ZDHHC17: variants seen among roughly 807,000 people sequenced by gnomAD.
ZDHHC17 encodes zDHHC palmitoyltransferase 17, also known as palmitoyltransferase ZDHHC17.
In ZDHHC17, 40 loss-of-function variants were observed where a neutral mutation model predicts 90.3. The observed-to-expected ratio is 0.44, with a 90% confidence interval of 0.34 to 0.58. The LOEUF is 0.58. Ranked by LOEUF, ZDHHC17 falls within the 20% of genes least tolerant of loss-of-function variation. ZDHHC17 has a pLI of 0.01. For missense variants in ZDHHC17, 614 were observed against 780.8 expected (o/e 0.79, Z 2.55); for synonymous variants, 235 against 252.4 (o/e 0.93, Z 0.65).
intron 10 of ZDHHC17, among the ~76,000 whole-genome samples, chr12:76,830,869 AT>A (rs34229309): frequency 0.42 from 63,265 of 151,840 alleles, 13,568 homozygotes; most frequent in East Asian, 0.65. Flanking sequence ...GTAAAATTTC[AT>A]TTTTTTCCTT....
chr12:76,765,854 C>T (rs1316692549), intron 1 of ZDHHC17, among the ~76,000 whole-genome samples: 1 of 152,124 alleles, frequency 6.6e-6, no homozygotes, highest in Admixed American at 6.5e-5. Context: ...GCTCGCGCCA[C>T]CATACCCGGC....
Position 76,851,296 on chromosome 12 carries a change from T to C in ZDHHC17, c.*311T>C, listed in dbSNP as rs1953564901. On this transcript the variant is annotated 3_prime_UTR_variant, in exon 17 of 17. Coordinates refer to ENST00000426126, the MANE Select transcript of ZDHHC17 (RefSeq NM_015336.4). Reference sequence around the variant, plus strand: ...TTTTCACAAAAAAAGGGTAAACTTATTCTATTGACAGACATGGTGTACTGA... The same window carrying C: ...TTTTCACAAAAAAAGGGTAAACTTACTCTATTGACAGACATGGTGTACTGA... 6 of 322,850 alleles carry C rather than the reference T, an allele frequency of 1.9e-5. No individual in the cohort carries two copies. The highest frequency in any genetic ancestry group is 3.1e-5 in the South Asian group (1 of 32,514). 20.0% of individuals were successfully genotyped at this position (322,850 alleles called of 1,614,324 possible).
intron 10 of ZDHHC17, among the ~76,000 whole-genome samples, chr12:76,833,524 G>A (rs538699887): frequency 2.6e-5 from 4 of 152,330 alleles, no homozygotes; most frequent in African/African-American, 9.6e-5. Flanking sequence ...CGGGCATGGT[G>A]GCTCACGCCT....
At chr12:76,838,882 A>G (rs542484846) in intron 10 of ZDHHC17, among the ~76,000 whole-genome samples, 1 of 152,308 alleles carries the variant, frequency 6.6e-6, no homozygotes, top group Non-Finnish European at 1.5e-5. Flanking sequence ...TCAAGCTGCC[A>G]TAATGATATA....
intron 2 of ZDHHC17, among the ~76,000 whole-genome samples, chr12:76,802,587 A>G (rs1378866320): frequency 2.0e-5 from 3 of 152,216 alleles, no homozygotes; most frequent in Non-Finnish European, 4.4e-5. Flanking sequence ...GGTGTCCCAC[A>G]GGTCCCTTAG....
At chr12:76,772,479 A>G (rs1952504196) in intron 1 of ZDHHC17, among the ~76,000 whole-genome samples, 1 of 151,720 alleles carries the variant, frequency 6.6e-6, no homozygotes, top group African/African-American at 2.4e-5. Flanking sequence ...CCCAAAGGCC[A>G]TAGTTTACAT....
Position 76,805,380 on chromosome 12 carries a change from C to A in ZDHHC17, c.261C>A (p.Asp87Glu). 6.2e-7 allele frequency: 1 copy of A among 1,602,536 alleles called. No homozygotes were observed. The highest frequency in any genetic ancestry group is 1.7e-5 in the Admixed American group (1 of 59,054). Residue 87 changes from aspartate to glutamate, a missense_variant, in exon 3 of 17, where the codon GAC becomes GAA. Physicochemically the swap from Asp to Glu is conservative, Grantham distance 45. This residue lies in a region of ZDHHC17 where 358 missense variants were observed against 380.4 expected (regional missense o/e 0.94). Coordinates refer to ENST00000426126, the MANE Select transcript of ZDHHC17 (RefSeq NM_015336.4). ...CAGGTTATGATGTACGGCAACCGGACAAAGAAAATGTTACCCTCCTCCATT... is the reference window on the plus strand; with the variant it reads ...CAGGTTATGATGTACGGCAACCGGAAAAAGAAAATGTTACCCTCCTCCATT... ...VEAGYDVRQPDKENVTLLHWA... is the reference protein window; with the variant it reads ...VEAGYDVRQPEKENVTLLHWA...
chr12:76,781,708 T>C (rs1189780378), intron 1 of ZDHHC17: 2 of 455,836 alleles, frequency 4.4e-6, no homozygotes, highest in South Asian at 3.1e-5. Flanking sequence ...ATTTTCTTTA[T>C]AAATTACCCA....
At chr12:76,827,200 A>C (rs1319432072) in intron 9 of ZDHHC17, 150 bp downstream of exon 9, 4 of 940,260 alleles carry the variant, frequency 4.3e-6, no homozygotes, top group Non-Finnish European at 5.8e-6. Flanking sequence ...GAGATTTTTT[A>C]AACATTGTTA....
At chr12:76,842,446 T>C (rs1953446293) in intron 11 of ZDHHC17, among the ~76,000 whole-genome samples, 1 of 152,152 alleles carries the variant, frequency 6.6e-6, no homozygotes, top group African/African-American at 2.4e-5. Context: ...AACTAGAAGG[T>C]TAATAAATTG....
intron 10 of ZDHHC17, among the ~76,000 whole-genome samples, chr12:76,834,907 T>C (rs1026568434): frequency 1.3e-5 from 2 of 152,216 alleles, no homozygotes; most frequent in Admixed American, 1.3e-4. Context: ...ATCTAATTAC[T>C]GTAGTTTTGT....
At chr12:76,810,760 G>A (rs574136865) in intron 5 of ZDHHC17, among the ~76,000 whole-genome samples, 37 of 152,236 alleles carry the variant, frequency 2.4e-4, no homozygotes, top group African/African-American at 8.2e-4. Flanking sequence ...AAAATCTAAT[G>A]GCTTAAGAAC....
At chr12:76,835,446 T>G (rs1462873641) in intron 10 of ZDHHC17, among the ~76,000 whole-genome samples, 1 of 152,180 alleles carries the variant, frequency 6.6e-6, no homozygotes, top group Non-Finnish European at 1.5e-5. Context: ...TGTTTTTTAA[T>G]GAAGTCATAT....
At chr12:76,813,293 A>T (rs1033130763) in intron 5 of ZDHHC17, 1 of 426,030 alleles carries the variant, frequency 2.3e-6, no homozygotes, top group South Asian at 1.7e-5. Flanking sequence ...TTCAGAAAAC[A>T]TATTTTTTTT....
chr12:76,829,063 A>G (rs1953264887), intron 10 of ZDHHC17, among the ~76,000 whole-genome samples: 1 of 152,172 alleles, frequency 6.6e-6, no homozygotes, highest in Non-Finnish European at 1.5e-5. Context: ...TCAAAAAGCA[A>G]TAAGATGTCG....
intron 5 of ZDHHC17, chr12:76,813,414 A>G (rs560671892): frequency 3.6e-5 from 16 of 445,758 alleles, no homozygotes; most frequent in African/African-American, 3.2e-4. Flanking sequence ...TGGATTTGTA[A>G]TGGATAAGGC....
intron 10 of ZDHHC17, among the ~76,000 whole-genome samples, chr12:76,835,250 C>G (rs1178296145): frequency 1.5e-5 from 2 of 131,678 alleles, no homozygotes; most frequent in South Asian, 4.9e-4. Flanking sequence ...GGGGTTTTAC[C>G]ATGTTGTCCA....
chr12:76,786,890 A>G (rs1306961905), intron 1 of ZDHHC17, among the ~76,000 whole-genome samples: 1 of 152,198 alleles, frequency 6.6e-6, no homozygotes, highest in Non-Finnish European at 1.5e-5. Flanking sequence ...CTAGATGCCT[A>G]AATGTCTTTA....
intron 1 of ZDHHC17, among the ~76,000 whole-genome samples, chr12:76,767,936 G>A (rs1952450556): frequency 6.6e-6 from 1 of 151,990 alleles, no homozygotes; most frequent in Non-Finnish European, 1.5e-5. Flanking sequence ...CAAAGCTGTG[G>A]TGACAAACTG....
Sources: gnomAD v4.1 joint callset for allele counts (sites outside exome capture counted in the v4.1 genomes callset) on GRCh38, gnomAD v4.1.1 for gene constraint, gnomAD v4.1.1 regional missense constraint, MANE v1.5 for transcripts, NCBI Gene and HGNC (gene_info 2026-07-23, HGNC 2026-07-21) for gene names.